Variants in SH3PXD2A observed in about 807,000 individuals in gnomAD.
SH3PXD2A encodes the protein SH3 and PX domain-containing protein 2A.
Under a neutral mutation model 115.2 loss-of-function variants are expected in SH3PXD2A, and 32 were observed. The ratio of observed to expected loss-of-function variants is 0.28; its 90% CI spans 0.21 to 0.37. SH3PXD2A has a LOEUF of 0.37. Among genes scored for constraint, SH3PXD2A ranks in the 10% least tolerant of loss-of-function variants. The pLI is 1.00. For missense variants in SH3PXD2A, 1,328 were observed against 1,498.7 expected (o/e 0.89, Z 1.88); for synonymous variants, 610 against 629.1 (o/e 0.97, Z 0.45).
At chr10:103,677,105 A>C (rs961478529) in intron 6 of SH3PXD2A, among the ~76,000 whole-genome samples, 2 of 152,188 alleles carry the variant, frequency 1.3e-5, no homozygotes, top group Non-Finnish European at 2.9e-5. Context: ...AGTCAATAGC[A>C]ACGGACTCAG....
At position 103,602,411 on chromosome 10, in the gene SH3PXD2A, A is replaced by G; in HGVS notation, c.2807T>C (p.Leu936Pro). The G allele has an allele frequency of 1.2e-6, 2 of 1,614,092 alleles. No homozygotes were observed. Among genetic ancestry groups the G allele is most frequent in the Non-Finnish European group, 1.7e-6 (2 of 1,180,014 alleles). ...LEKIERRVQA[L>P]NTVNQSKKAT... Reference sequence around the variant, plus strand: ...CTTCTTGCTCTGGTTGACGGTGTTCAGTGCTTGGACGCGCCTCTCGATCTT... The same window carrying G: ...CTTCTTGCTCTGGTTGACGGTGTTCGGTGCTTGGACGCGCCTCTCGATCTT... Residue 936 changes from leucine (L) to proline (P), a missense_variant, in exon 15 of 15, where the codon CTG (leucine) becomes CCG (proline). By Grantham distance (98) the Leu-to-Pro change is moderately conservative. Around this residue, in one of 5 missense-constraint regions of SH3PXD2A, gnomAD observed 574 missense variants for 565.7 expected, o/e 1.01. Transcript: ENST00000369774.
intron 5 of SH3PXD2A, among the ~76,000 whole-genome samples, chr10:103,693,874 T>C (rs2037792368): frequency 6.6e-6 from 1 of 152,138 alleles, no homozygotes; most frequent in South Asian, 2.1e-4. Flanking sequence ...TCAAATGCTG[T>C]CAGAGAAAGT....
In SH3PXD2A at chr10:103,820,619, A is replaced by C. The variant is rs368236160; in HGVS notation, c.73-19257T>G. Among the ~76,000 whole-genome samples the C allele has an allele frequency of 2.8e-4, 41 of 148,814 alleles. 2 individuals are homozygous for C. In the South Asian group the frequency reaches 8.5e-3, roughly 31 times the overall value. ...TTTTGCTTGGCCAGAGCCCACCCCC[A>C]GTGAGCCTGTCCCCTCCCCACACCC... On this transcript the variant is annotated intron_variant, in intron 1 of 14. Transcript: ENST00000369774.
rs543566354 is a variant in SH3PXD2A, at chr10:103,602,221, C to T, written c.2997G>A (p.Arg999=). 3 of 1,595,990 alleles carry T rather than the reference C, an allele frequency of 1.9e-6. No individual in the cohort carries two copies. Among genetic ancestry groups the T allele is most frequent in the African/African-American group, 2.7e-5 (2 of 74,734 alleles). ...CATCAGTGGCCGTGAGTGACTCATTCCTCCGCAGGGCGCAGGACAGGTTGT... is the reference window on the plus strand; with the variant it reads ...CATCAGTGGCCGTGAGTGACTCATTTCTCCGCAGGGCGCAGGACAGGTTGT... ...KDNNLSCALR[R]NESLTATDGL... Residue 999 remains arginine, a synonymous_variant, in exon 15 of 15, where the codon AGG becomes AGA. Transcript: ENST00000369774.
chr10:103,761,526 A>T (rs2038699620), intron 3 of SH3PXD2A, among the ~76,000 whole-genome samples: 1 of 152,210 alleles, frequency 6.6e-6, no homozygotes, highest in Non-Finnish European at 1.5e-5. Flanking sequence ...ATAATAAGTT[A>T]AGTGGTTTAA....
In SH3PXD2A at chr10:103,597,357, A is replaced by G. The variant is rs944534182; in HGVS notation, c.*4459T>C. The G allele has an allele frequency of 6.6e-5, 10 of 152,268 alleles. No individual in the cohort carries two copies. The highest frequency in any genetic ancestry group is 3.3e-4 in the Admixed American group (5 of 15,290). The allele number at this position is 152,268 out of a possible 1,614,324, so 9.4% of individuals were successfully genotyped here. ...TTAGAAAGATTCAAACATACACCAG[A>G]AGGATCACAGCCCAAATATCAGGAC... is the stretch of plus-strand genomic sequence containing the variant. On this transcript the variant is annotated 3_prime_UTR_variant, in exon 15 of 15. Coordinates refer to ENST00000369774, the MANE Select transcript of SH3PXD2A (RefSeq NM_001394015.1).
At chr10:103,851,589 G>A (rs986127290) in intron 1 of SH3PXD2A, among the ~76,000 whole-genome samples, 1 of 152,178 alleles carries the variant, frequency 6.6e-6, no homozygotes, top group Non-Finnish European at 1.5e-5. Context: ...TGCCAGCTGC[G>A]AGACCCTAAG....
intron 5 of SH3PXD2A, among the ~76,000 whole-genome samples, chr10:103,698,108 C>T (rs73332638): frequency 0.025 from 3,769 of 152,278 alleles, 161 homozygotes; most frequent in African/African-American, 0.085. Flanking sequence ...ACACCAGCAG[C>T]GGGCAGCAGG....
chr10:103,663,439 A>G (rs1455993746), intron 7 of SH3PXD2A, among the ~76,000 whole-genome samples: 1 of 152,260 alleles, frequency 6.6e-6, no homozygotes, highest in Non-Finnish European at 1.5e-5. Flanking sequence ...GCCCAAGCCC[A>G]TCTGTCTTTC....
intron 8 of SH3PXD2A, among the ~76,000 whole-genome samples, chr10:103,644,909 G>A (rs555306593): frequency 3.9e-5 from 6 of 152,180 alleles, no homozygotes; most frequent in Non-Finnish European, 5.9e-5. Flanking sequence ...AGTAGGATTC[G>A]AAGCCTTTCT....
rs1271125442 is a variant in SH3PXD2A at position 103,596,661 on chromosome 10, A to ACTCTCTCTCT, written c.*5154_*5155insAGAGAGAGAG. On this transcript the variant is annotated 3_prime_UTR_variant, in exon 15 of 15. Coordinates refer to ENST00000369774, the MANE Select transcript of SH3PXD2A (RefSeq NM_001394015.1). The stretch of plus-strand genomic sequence containing the variant: ...CACACACACACACACACACACACAC[A>ACTCTCTCTCT]CACTCTCTCTCTCTCTCTCTCTCTC... 42 of 37,032 alleles carry ACTCTCTCTCT rather than the reference A, an allele frequency of 1.1e-3. No individual in the cohort carries two copies. Among genetic ancestry groups the ACTCTCTCTCT allele is most frequent in the African/African-American group, 3.2e-3 (37 of 11,518 alleles). The allele number at this position is 37,032 out of a possible 1,614,324, so 2.3% of individuals were successfully genotyped here.
At chr10:103,743,878 A>T (rs1374961292) in intron 3 of SH3PXD2A, among the ~76,000 whole-genome samples, 1 of 152,222 alleles carries the variant, frequency 6.6e-6, no homozygotes, top group South Asian at 2.1e-4. Context: ...CTTATTAACC[A>T]TTCACACCTG....
intron 1 of SH3PXD2A, among the ~76,000 whole-genome samples, chr10:103,838,465 C>G (rs2039567196): frequency 6.6e-6 from 1 of 152,214 alleles, no homozygotes; most frequent in African/African-American, 2.4e-5. Flanking sequence ...ATAAATGGCA[C>G]AGCTGAAATT....
At chr10:103,776,337 G>A (rs908831514) in intron 2 of SH3PXD2A, among the ~76,000 whole-genome samples, 3 of 150,008 alleles carry the variant, frequency 2.0e-5, no homozygotes, top group Non-Finnish European at 4.4e-5. Flanking sequence ...AGGCTGCAGT[G>A]AGCCATGATC....
intron 13 of SH3PXD2A, among the ~76,000 whole-genome samples, chr10:103,608,150 T>TTTAC (rs2036356171): frequency 1.2e-4 from 4 of 32,652 alleles, no homozygotes; most frequent in East Asian, 3.0e-3. Flanking sequence ...ATGATCAATT[T>TTTAC]AAAAAAAAAA....
At chr10:103,785,445 G>A (rs1037603517) in intron 2 of SH3PXD2A, among the ~76,000 whole-genome samples, 3 of 152,104 alleles carry the variant, frequency 2.0e-5, no homozygotes, top group Admixed American at 6.5e-5. Context: ...CCCACTCTCC[G>A]GGGGTAGCCT....
chr10:103,849,667 G>A (rs903004614), intron 1 of SH3PXD2A, among the ~76,000 whole-genome samples: 11 of 152,228 alleles, frequency 7.2e-5, no homozygotes, highest in Non-Finnish European at 1.2e-4. Flanking sequence ...GCAGGAAGTA[G>A]CACGCTGCTC....
intron 3 of SH3PXD2A, among the ~76,000 whole-genome samples, chr10:103,738,795 CTT>C (rs763927827): frequency 1.4e-5 from 2 of 146,490 alleles, no homozygotes; most frequent in African/African-American, 2.5e-5. Context: ...ACAGAACTCT[CTT>C]TTTTTTTTTT....
At chr10:103,691,453 G>A (rs1189325709) in intron 6 of SH3PXD2A, among the ~76,000 whole-genome samples, 1 of 152,112 alleles carries the variant, frequency 6.6e-6, no homozygotes, top group African/African-American at 2.4e-5. Flanking sequence ...GAGGCCCAGG[G>A]CAAGCTTCCT....
Sources: allele counts gnomAD v4.1 joint callset (sites outside exome capture counted in the v4.1 genomes callset), GRCh38; gene constraint gnomAD v4.1.1; regional missense constraint gnomAD v4.1.1; transcripts MANE v1.5; gene names NCBI Gene and HGNC (gene_info 2026-07-23, HGNC 2026-07-21).